COLEC11: variants seen among roughly 807,000 people sequenced by gnomAD.
The protein encoded by COLEC11 is collectin-11.
A neutral mutation model predicts 27.3 loss-of-function variants in COLEC11; 20 were observed. The observed-to-expected ratio is 0.73, with a 90% confidence interval of 0.51 to 1.06. The LOEUF is 1.06. COLEC11 is among the 50% of genes least tolerant of loss of function. The pLI is 0.00. For synonymous variants in COLEC11, 163 were observed against 154.7 expected (o/e 1.05, Z -0.40); for missense variants, 310 against 383.0 (o/e 0.81, Z 1.59).
At chr2:3,640,079 A>C (rs2147962756) in intron 4 of COLEC11, among the ~76,000 whole-genome samples, 199 bp from the exon 5 acceptor site, 1 of 152,310 alleles carries the variant, frequency 6.6e-6, no homozygotes, top group Middle Eastern at 3.4e-3. Flanking sequence ...CTGTCACCCC[A>C]TGACATGTAT....
At chr2:3,629,820 C>T (rs1664840590) in intron 3 of COLEC11, among the ~76,000 whole-genome samples, 1 of 152,128 alleles carries the variant, frequency 6.6e-6, no homozygotes, top group African/African-American at 2.4e-5. Context: ...ATTCCAAGTG[C>T]TCTTACATAT....
intron 2 of COLEC11, among the ~76,000 whole-genome samples, chr2:3,609,945 T>C (rs13030750): frequency 1.5e-4 from 23 of 152,388 alleles, no homozygotes; most frequent in African/African-American, 5.0e-4. Flanking sequence ...ATCACAGGCA[T>C]GAGCCACTGC....
intron 4 of COLEC11, among the ~76,000 whole-genome samples, chr2:3,638,337 G>A (rs1665589252): frequency 6.6e-6 from 1 of 152,216 alleles, no homozygotes; most frequent in Non-Finnish European, 1.5e-5. Context: ...GACGAAGTCG[G>A]TGGGAGGGCA....
intron 2 of COLEC11, among the ~76,000 whole-genome samples, chr2:3,609,358 T>C (rs1329130120): frequency 0.26 from 20,948 of 80,138 alleles, 2,222 homozygotes; most frequent in South Asian, 0.38. Context: ...TTTGATTTTT[T>C]TTTTTTTTTT....
intron 1 of COLEC11, among the ~76,000 whole-genome samples, chr2:3,603,099 G>A (rs1200866586): frequency 6.6e-6 from 1 of 152,184 alleles, no homozygotes; most frequent in Non-Finnish European, 1.5e-5. Context: ...ATGGCCTTTG[G>A]GATGGACAGA....
chr2:3,638,618 C>G (rs943804575), intron 4 of COLEC11, among the ~76,000 whole-genome samples: 2 of 152,136 alleles, frequency 1.3e-5, no homozygotes, highest in Non-Finnish European at 2.9e-5. Context: ...CTCCCCCTAG[C>G]CCAGCCTGTA....
intron 2 of COLEC11, chr2:3,605,704 G>C (rs555461648): frequency 5.3e-5 from 11 of 206,372 alleles, no homozygotes; most frequent in Non-Finnish European, 7.9e-5. Flanking sequence ...GAGCGTCTGC[G>C]GCTCTTTTTA....
chr2:3,610,414 G>A (rs1663096754), intron 2 of COLEC11, among the ~76,000 whole-genome samples: 1 of 152,206 alleles, frequency 6.6e-6, no homozygotes, highest in African/African-American at 2.4e-5. Context: ...CGAGGGTTGG[G>A]TGAGATGGAG....
At chr2:3,595,621 G>A (rs1046371146) in intron 1 of COLEC11, among the ~76,000 whole-genome samples, 2 of 152,232 alleles carry the variant, frequency 1.3e-5, no homozygotes, top group Admixed American at 6.5e-5. Context: ...TCTGTGTTGG[G>A]CTCAGGAACG....
At chr2:3,642,162 C>T (rs150387621) in intron 5 of COLEC11, among the ~76,000 whole-genome samples, 80 of 152,300 alleles carry the variant, frequency 5.3e-4, no homozygotes, top group Non-Finnish European at 8.8e-4. Context: ...GTGCCGTCTG[C>T]GAGGCATCAG....
At chr2:3,620,110 A>G (rs1664074507) in intron 3 of COLEC11, among the ~76,000 whole-genome samples, 1 of 152,112 alleles carries the variant, frequency 6.6e-6, no homozygotes, top group South Asian at 2.1e-4. Context: ...CTCCTCTTCA[A>G]TTTTTTGTAA....
intron 5 of COLEC11, chr2:3,641,392 G>A (rs1163161376): frequency 7.7e-7 from 1 of 1,299,932 alleles, no homozygotes; most frequent in Non-Finnish European, 1.0e-6. Flanking sequence ...GCCAACCTGA[G>A]GGGCCCGGAC....
intron 3 of COLEC11, among the ~76,000 whole-genome samples, chr2:3,623,670 C>CT (rs1558505393): frequency 6.6e-6 from 1 of 151,834 alleles, no homozygotes; most frequent in Non-Finnish European, 1.5e-5. Flanking sequence ...AAAAAAATCT[C>CT]TATCTCTTCA....
rs556048573 is a variant in COLEC11 at position 3,611,822 on chromosome 2, G to A, written c.131-1489G>A. On this transcript the variant is annotated intron_variant, in intron 2 of 6. Transcript: ENST00000349077. Reference sequence around the variant, plus strand: ...TAATCAGCTTTGGGGATTTTGTGGAGGGATCTGTAATCTCAACTGAGCCTC... The same window carrying A: ...TAATCAGCTTTGGGGATTTTGTGGAAGGATCTGTAATCTCAACTGAGCCTC... Among the ~76,000 whole-genome samples, 4 of 152,198 alleles carry A rather than the reference G, an allele frequency of 2.6e-5. No homozygotes were observed. In the South Asian group the frequency reaches 8.3e-4, roughly 32 times the overall value.
intron 3 of COLEC11, among the ~76,000 whole-genome samples, chr2:3,623,128 G>T (rs1236961651): frequency 6.6e-6 from 1 of 152,124 alleles, no homozygotes; most frequent in African/African-American, 2.4e-5. Flanking sequence ...CTCCTGGCCT[G>T]CAAGTTTTCT....
chr2:3,643,413 C>G, intron 5 of COLEC11, 31 bp from the exon 6 acceptor site: 1 of 1,565,934 alleles, frequency 6.4e-7, no homozygotes, highest in Non-Finnish European at 8.8e-7. Context: ...CCTCATCCAG[C>G]GTTTGTAACG....
At chr2:3,627,312 CATG>C (rs970329802) in intron 3 of COLEC11, among the ~76,000 whole-genome samples, 17 of 126,568 alleles carry the variant, frequency 1.3e-4, no homozygotes, top group Non-Finnish European at 2.4e-4. Context: ...TGATGGGGGG[CATG>C]ATGACGGGGG....
At chr2:3,620,446 C>T (rs866627721) in intron 3 of COLEC11, among the ~76,000 whole-genome samples, 3 of 151,822 alleles carry the variant, frequency 2.0e-5, no homozygotes, top group East Asian at 1.9e-4. Flanking sequence ...CTTTTTTCTT[C>T]GTCTAGCTAA....
At chr2:3,608,409 A>C (rs1205232031) in intron 2 of COLEC11, among the ~76,000 whole-genome samples, 1 of 152,074 alleles carries the variant, frequency 6.6e-6, no homozygotes. Context: ...CTGGGTCTAC[A>C]TTACAAAATG....
Sources: allele counts gnomAD v4.1 joint callset (sites outside exome capture counted in the v4.1 genomes callset), GRCh38; gene constraint gnomAD v4.1.1; transcripts MANE v1.5; gene names NCBI Gene and HGNC (gene_info 2026-07-23, HGNC 2026-07-21).